Variants in YTHDF3 observed in about 807,000 individuals in gnomAD.
YTHDF3 encodes YTH domain-containing family protein 3.
In YTHDF3, 9 loss-of-function variants were observed where a neutral mutation model predicts 52.5. That is an observed-to-expected ratio of 0.17 (90% confidence interval 0.10 to 0.30). The LOEUF is 0.30. Ranked by LOEUF, YTHDF3 falls within the 10% of genes least tolerant of loss-of-function variation. YTHDF3 has a pLI of 1.00. For missense variants in YTHDF3, 534 were observed against 715.0 expected, an observed-to-expected ratio of 0.75 and a Z score of 2.89; for synonymous variants, 274 against 243.3, an observed-to-expected ratio of 1.13 and a Z score of -1.18.
At chr8:63,193,395 AAGC>A (rs1018081785) in intron 4 of YTHDF3, among the ~76,000 whole-genome samples, 40 of 150,724 alleles carry the variant, frequency 2.7e-4, no homozygotes, top group South Asian at 2.3e-3. Flanking sequence ...AAAAAAAAAA[AAGC>A]AGCAGCAGCC....
chr8:63,212,006 A>G lies in YTHDF3; in HGVS notation c.*2300A>G, dbSNP rs998816549. On this transcript the variant is annotated 3_prime_UTR_variant, in exon 5 of 5. Coordinates refer to ENST00000539294, the MANE Select transcript of YTHDF3 (RefSeq NM_152758.6). ...AATGAAATTATCACAGGTTGTCTCA[A>G]GCACAACCAACTGAATGTCTCTTAA... is the stretch of plus-strand genomic sequence containing the variant. 6.6e-6 allele frequency: 1 copy of G among 152,574 alleles called. No homozygotes were observed. The highest frequency in any genetic ancestry group is 1.5e-5 in the Non-Finnish European group (1 of 68,002). 9.5% of individuals were successfully genotyped at this position (152,574 alleles called of 1,614,324 possible).
intron 2 of YTHDF3, among the ~76,000 whole-genome samples, chr8:63,171,145 A>C (rs1459062635): frequency 1.3e-4 from 20 of 152,140 alleles, no homozygotes; most frequent in Non-Finnish European, 2.9e-5. Context: ...TCAGTTTAAT[A>C]ATTTCATCTA....
intron 4 of YTHDF3, among the ~76,000 whole-genome samples, chr8:63,206,710 A>AT (rs758051554): frequency 1.1e-4 from 16 of 151,956 alleles, no homozygotes; most frequent in Non-Finnish European, 1.9e-4. Context: ...TCTAGACTTC[A>AT]TTTTTTAAAA....
intron 4 of YTHDF3, among the ~76,000 whole-genome samples, chr8:63,198,236 C>G (rs1421001406): frequency 6.6e-6 from 1 of 151,928 alleles, no homozygotes; most frequent in Non-Finnish European, 1.5e-5. Flanking sequence ...CTTTTCCTTT[C>G]CTTTCCTTTT....
rs1810383896 is a variant in YTHDF3 at position 63,211,804 on chromosome 8, G to T, written c.*2098G>T. The T allele has an allele frequency of 6.6e-6, 1 of 152,550 alleles. No homozygotes were observed. The highest frequency in any genetic ancestry group is 1.5e-5 in the Non-Finnish European group (1 of 68,016). 9.4% of individuals were successfully genotyped at this position (152,550 alleles called of 1,614,324 possible). ...TATTCATGGTGAGGAGTACATCCCA[G>T]TGCCTTTAACCTGGATTTCTAATCT... On this transcript the variant is annotated 3_prime_UTR_variant, in exon 5 of 5. Coordinates refer to ENST00000539294, the MANE Select transcript of YTHDF3 (RefSeq NM_152758.6).
intron 3 of YTHDF3, among the ~76,000 whole-genome samples, chr8:63,176,926 G>T (rs1446214049): frequency 6.6e-6 from 1 of 151,960 alleles, no homozygotes; most frequent in African/African-American, 2.4e-5. Context: ...TAATCTGCCT[G>T]CCTCAGCCTC....
At chr8:63,175,211 A>G (rs1807605748) in intron 2 of YTHDF3, 120 bp from the exon 3 acceptor site, 1 of 675,666 alleles carries the variant, frequency 1.5e-6, no homozygotes, top group Non-Finnish European at 2.5e-6. Flanking sequence ...GTTCTTAAAA[A>G]TAACTCAGTA....
intron 3 of YTHDF3, among the ~76,000 whole-genome samples, chr8:63,180,092 C>T (rs1356870325): frequency 6.6e-6 from 1 of 151,368 alleles, no homozygotes; most frequent in Non-Finnish European, 1.5e-5. Context: ...CCACCTCCCT[C>T]CCGGACGAGG....
chr8:63,182,772 TA>T (rs1383983050), intron 3 of YTHDF3, among the ~76,000 whole-genome samples: 1 of 152,198 alleles, frequency 6.6e-6, no homozygotes, highest in Non-Finnish European at 1.5e-5. Flanking sequence ...ATGTGGGATT[TA>T]TCTACTTCCC....
At chr8:63,179,644 C>T (rs933743232) in intron 3 of YTHDF3, among the ~76,000 whole-genome samples, 7 of 152,200 alleles carry the variant, frequency 4.6e-5, no homozygotes, top group Non-Finnish European at 1.0e-4. Context: ...GGCAACCATC[C>T]GATTTCTCAA....
intron 4 of YTHDF3, among the ~76,000 whole-genome samples, chr8:63,206,542 A>G (rs771048355): frequency 3.9e-5 from 6 of 152,104 alleles, no homozygotes; most frequent in Non-Finnish European, 8.8e-5. Context: ...TCAAATATAT[A>G]CTGAATCCAG....
At chr8:63,197,507 A>G (rs963599944) in intron 4 of YTHDF3, among the ~76,000 whole-genome samples, 1 of 152,214 alleles carries the variant, frequency 6.6e-6, no homozygotes, top group African/African-American at 2.4e-5. Context: ...TGACAGTAAC[A>G]TAATTGTTTA....
intron 3 of YTHDF3, among the ~76,000 whole-genome samples, chr8:63,183,783 G>A (rs558967487): frequency 9.1e-4 from 139 of 152,242 alleles, no homozygotes; most frequent in African/African-American, 3.2e-3. Context: ...CTACATTCAC[G>A]GATTCAGTCA....
chr8:63,179,842 G>C (rs533912614), intron 3 of YTHDF3, among the ~76,000 whole-genome samples: 110 of 151,212 alleles, frequency 7.3e-4, no homozygotes, highest in Admixed American at 1.5e-3. Flanking sequence ...CTGGCCGGGT[G>C]GGGGGCTGAC....
chr8:63,173,806 A>G (rs1807504243), intron 2 of YTHDF3: 1 of 344,704 alleles, frequency 2.9e-6, no homozygotes, highest in South Asian at 1.1e-4. Flanking sequence ...CATGGAGCAT[A>G]TTTAGCTCAA....
At chr8:63,173,140 C>T (rs1248852436) in intron 2 of YTHDF3, among the ~76,000 whole-genome samples, 2 of 143,028 alleles carry the variant, frequency 1.4e-5, no homozygotes, top group Non-Finnish European at 3.0e-5. Flanking sequence ...GGGTTGTTCT[C>T]AGGCCTAGCC....
In YTHDF3 at chr8:63,212,436, T is replaced by G. The variant is rs1475148588; in HGVS notation, c.*2730T>G. 1 of 151,466 alleles carries G rather than the reference T, an allele frequency of 6.6e-6. No homozygotes were observed. Among genetic ancestry groups the G allele is most frequent in the African/African-American group, 2.4e-5 (1 of 41,182 alleles). The allele number at this position is 151,466 out of a possible 1,614,324, so 9.4% of individuals were successfully genotyped here. ...AAGCTGATGTTAAAACAGTTTGCAA[T>G]AAAAAAAAATGAATCAGCTTAAGTC... On this transcript the variant is annotated 3_prime_UTR_variant, in exon 5 of 5. Transcript: ENST00000539294.
chr8:63,173,572 T>A (rs1798926244), intron 2 of YTHDF3: 1 of 750,570 alleles, frequency 1.3e-6, no homozygotes, highest in Non-Finnish European at 1.6e-6. Context: ...TTTCAAATAC[T>A]GACTAACATG....
At chr8:63,169,769 T>G (rs1234238566) in intron 2 of YTHDF3, among the ~76,000 whole-genome samples, 1 of 152,250 alleles carries the variant, frequency 6.6e-6, no homozygotes, top group East Asian at 1.9e-4. Context: ...AGTGGACATT[T>G]TGTTTGACAT....
Sources: gnomAD v4.1 joint callset for allele counts (sites outside exome capture counted in the v4.1 genomes callset) on GRCh38, gnomAD v4.1.1 for gene constraint, MANE v1.5 for transcripts, NCBI Gene and HGNC (gene_info 2026-07-23, HGNC 2026-07-21) for gene names.